HIPK2: variants seen among roughly 807,000 people sequenced by gnomAD.
HIPK2 encodes homeodomain interacting protein kinase 2, also known as homeodomain-interacting protein kinase 2.
A neutral mutation model predicts 113.7 loss-of-function variants in HIPK2; 27 were observed. The ratio of observed to expected loss-of-function variants is 0.24; its 90% CI spans 0.17 to 0.33. The LOEUF (loss-of-function observed/expected upper bound fraction) is 0.33. Ranked by LOEUF, HIPK2 falls within the 10% of genes least tolerant of loss-of-function variation. The pLI, the probability that HIPK2 is intolerant of heterozygous loss-of-function variation, is 1.00. For missense variants in HIPK2, 1,257 were observed against 1,588.0 expected, an observed-to-expected ratio of 0.79 and a Z score of 3.54; for synonymous variants, 631 against 642.2, an observed-to-expected ratio of 0.98 and a Z score of 0.26.
At chr7:139,622,846 C>T (rs1302064712) in intron 6 of HIPK2, among the ~76,000 whole-genome samples, 2 of 152,214 alleles carry the variant, frequency 1.3e-5, no homozygotes, top group Non-Finnish European at 2.9e-5. Context: ...CAGTGCCCCT[C>T]TTGGGTCCCA....
At chr7:139,598,819 G>A (rs556188606) in intron 11 of HIPK2, among the ~76,000 whole-genome samples, 2 of 152,216 alleles carry the variant, frequency 1.3e-5, no homozygotes, top group African/African-American at 2.4e-5. Context: ...TGACCTTGCT[G>A]GGCATGACAG....
chr7:139,620,723 T>C (rs1800206025), intron 6 of HIPK2, 160 bp from the exon 7 acceptor site: 3 of 442,570 alleles, frequency 6.8e-6, no homozygotes, highest in Non-Finnish European at 9.0e-6. Context: ...TTGGATTGCT[T>C]GTGCAAAGCC....
In HIPK2 at chr7:139,573,342, T is replaced by A. The variant is rs753307032; in HGVS notation, c.3182A>T (p.Tyr1061Phe). Residue 1061 changes from tyrosine (Y) to phenylalanine (F), a missense_variant, in exon 15 of 15, where the codon TAC becomes TTC. Around this residue, in one of 5 missense-constraint regions of HIPK2, gnomAD observed 862 missense variants for 1,004.3 expected, o/e 0.86. Coordinates refer to ENST00000406875, the MANE Select transcript of HIPK2 (RefSeq NM_022740.5). ...AGCCTGGGCCATGGTGGGAGTGATGTAGGCCTGCTGCCTTCGGTGGCTCCC... is the reference window on the plus strand; with the variant it reads ...AGCCTGGGCCATGGTGGGAGTGATGAAGGCCTGCTGCCTTCGGTGGCTCCC... ...RTGSHRRQQA[Y>F]ITPTMAQAPY... 14 of 1,605,620 alleles carry A rather than the reference T, an allele frequency of 8.7e-6. No individual in the cohort carries two copies. The highest frequency in any genetic ancestry group is 1.1e-5 in the Non-Finnish European group (13 of 1,179,834).
At chr7:139,686,709 T>G (rs1240507959) in intron 2 of HIPK2, among the ~76,000 whole-genome samples, 3 of 152,242 alleles carry the variant, frequency 2.0e-5, no homozygotes, top group African/African-American at 7.2e-5. Context: ...ATTAAACCTC[T>G]TTCCTTTTTA....
At chr7:139,761,563 AAAG>A (rs1276464092) in intron 1 of HIPK2, among the ~76,000 whole-genome samples, 2 of 152,206 alleles carry the variant, frequency 1.3e-5, no homozygotes, top group African/African-American at 4.8e-5. Flanking sequence ...GCCTAACCAT[AAAG>A]AAGCAACCTC....
At chr7:139,773,657 C>T (rs1188045132) in intron 1 of HIPK2, among the ~76,000 whole-genome samples, 1 of 152,122 alleles carries the variant, frequency 6.6e-6, no homozygotes, top group Non-Finnish European at 1.5e-5. Flanking sequence ...ACATAAAATA[C>T]AAAGAATCTG....
intron 7 of HIPK2, among the ~76,000 whole-genome samples, chr7:139,615,721 T>C (rs767417714): frequency 6.6e-6 from 1 of 152,248 alleles, no homozygotes; most frequent in Non-Finnish European, 1.5e-5. Context: ...GTAGGGTGTG[T>C]ATGGATGTCA....
chr7:139,644,762 A>T (rs1290801335), intron 2 of HIPK2, among the ~76,000 whole-genome samples: 1 of 152,180 alleles, frequency 6.6e-6, no homozygotes, highest in Non-Finnish European at 1.5e-5. Context: ...TTTTCTCTGC[A>T]CTGGCAAGGG....
intron 1 of HIPK2, among the ~76,000 whole-genome samples, chr7:139,746,003 G>A (rs1251086014): frequency 6.6e-6 from 1 of 152,168 alleles, no homozygotes; most frequent in Non-Finnish European, 1.5e-5. Flanking sequence ...CGAGCCAGGA[G>A]GAGCAGAGCA....
intron 1 of HIPK2, among the ~76,000 whole-genome samples, chr7:139,769,579 C>A (rs1238889332): frequency 6.6e-6 from 1 of 152,232 alleles, no homozygotes; most frequent in Admixed American, 6.5e-5. Flanking sequence ...CAAATGAATT[C>A]CATTATGCAC....
chr7:139,721,675 C>G (rs6952992), intron 1 of HIPK2, among the ~76,000 whole-genome samples: 9,719 of 152,220 alleles, frequency 0.064, 582 homozygotes, highest in Admixed American at 0.19. Context: ...AAAATCTCAA[C>G]TGCTTTTTAA....
Position 139,566,042 on chromosome 7 carries a change from A to C in HIPK2, c.*6885T>G, listed in dbSNP as rs978466055. 2.6e-5 allele frequency: 4 copies of C among 152,238 alleles called. No homozygotes were observed. The highest frequency in any genetic ancestry group is 9.6e-5 in the African/African-American group (4 of 41,460). 9.4% of individuals were successfully genotyped at this position (152,238 alleles called of 1,614,324 possible). ...CTACTAAAGCTAGTTGGTATGCTGG[A>C]AAGAAATCTAAAAGGAATTCTATGA... On this transcript the variant is annotated 3_prime_UTR_variant, in exon 15 of 15. Transcript: ENST00000406875. The surrounding 1 kb of genome is among the most constrained non-coding windows in gnomAD (Gnocchi z 4.1).
At chr7:139,736,372 G>A (rs1027762509) in intron 1 of HIPK2, among the ~76,000 whole-genome samples, 5 of 152,180 alleles carry the variant, frequency 3.3e-5, no homozygotes, top group African/African-American at 4.8e-5. Flanking sequence ...GTAGACAGAG[G>A]GGCCAATGCC....
intron 2 of HIPK2, among the ~76,000 whole-genome samples, chr7:139,634,629 A>AAAAC (rs914331107): frequency 2.7e-5 from 4 of 150,878 alleles, no homozygotes; most frequent in Non-Finnish European, 1.5e-5. Flanking sequence ...CAGTTTATTT[A>AAAAC]AAACATCACA....
At chr7:139,622,176 T>C (rs775048799) in intron 6 of HIPK2, among the ~76,000 whole-genome samples, 1 of 152,212 alleles carries the variant, frequency 6.6e-6, no homozygotes, top group Non-Finnish European at 1.5e-5. Context: ...AATGACTGAC[T>C]GAGACGCGAC....
intron 2 of HIPK2, among the ~76,000 whole-genome samples, chr7:139,657,417 A>G (rs1244021948): frequency 1.3e-5 from 2 of 152,118 alleles, no homozygotes; most frequent in African/African-American, 4.8e-5. Context: ...TTTTCACTGT[A>G]TTGGTCCCAA....
intron 2 of HIPK2, among the ~76,000 whole-genome samples, chr7:139,664,422 A>C (rs1300193836): frequency 2.0e-5 from 3 of 152,140 alleles, no homozygotes; most frequent in Non-Finnish European, 4.4e-5. Context: ...CTGTAATCCC[A>C]GCTACTAGGG....
chr7:139,656,111 C>A (rs1020744203), intron 2 of HIPK2, among the ~76,000 whole-genome samples: 14 of 152,026 alleles, frequency 9.2e-5, no homozygotes, highest in African/African-American at 3.4e-4. Flanking sequence ...CCTCTTCCTT[C>A]TCCCACTCCC....
In HIPK2 at chr7:139,751,572, A is replaced by T. The variant is rs3889212; in HGVS notation, c.19+26033T>A. Among the ~76,000 whole-genome samples, 386 of 148,614 alleles carry T rather than the reference A, an allele frequency of 2.6e-3. 1 individual carries two copies. The highest frequency in any genetic ancestry group is 8.2e-3 in the African/African-American group (325 of 39,394). On this transcript the variant is annotated intron_variant, in intron 1 of 14. Coordinates refer to ENST00000406875, the MANE Select transcript of HIPK2 (RefSeq NM_022740.5). ...GAGGGAGGGAGGGAGGGATGGATGG[A>T]TGGATGGTTGGATGGATAGATGGAT...
Sources: gnomAD v4.1 joint callset for allele counts (sites outside exome capture counted in the v4.1 genomes callset) on GRCh38, gnomAD v4.1.1 for gene constraint, gnomAD v4.1.1 regional missense constraint, Gnocchi (gnomAD v3.1) non-coding constraint, MANE v1.5 for transcripts, NCBI Gene and HGNC (gene_info 2026-07-23, HGNC 2026-07-21) for gene names.